The following MSRB3 variants were observed in gnomAD, a reference collection of about 807,000 sequenced individuals.
MSRB3 encodes the protein methionine sulfoxide reductase B3.
A neutral mutation model predicts 21.0 loss-of-function variants in MSRB3; 13 were observed. The ratio of observed to expected loss-of-function variants is 0.62; its 90% CI spans 0.40 to 0.98. The LOEUF is 0.98. Among genes scored for constraint, MSRB3 ranks in the 50% least tolerant of loss-of-function variants. The pLI is 0.00. For synonymous variants in MSRB3, 87 were observed against 88.6 expected, an observed-to-expected ratio of 0.98 and a Z score of 0.10; for missense variants, 199 against 230.3, an observed-to-expected ratio of 0.86 and a Z score of 0.88.
intron 1 of MSRB3, among the ~76,000 whole-genome samples, chr12:65,279,684 G>T (rs961752993): frequency 6.6e-6 from 1 of 152,224 alleles, no homozygotes. Flanking sequence ...AGTCGTTACA[G>T]TAAGACTTTA....
chr12:65,360,393 A>T (rs768125799), intron 4 of MSRB3, among the ~76,000 whole-genome samples: 2 of 152,122 alleles, frequency 1.3e-5, no homozygotes, highest in Non-Finnish European at 2.9e-5. Context: ...ACAAGAAACA[A>T]TTACATTATT....
At chr12:65,419,208 C>T in intron 5 of MSRB3, 3 of 712,482 alleles carry the variant, frequency 4.2e-6, no homozygotes, top group Non-Finnish European at 7.7e-6. Flanking sequence ...TCTGCTGAGA[C>T]CAGTATTTGT....
intron 1 of MSRB3, among the ~76,000 whole-genome samples, chr12:65,291,386 G>A (rs895262366): frequency 1.3e-4 from 19 of 151,564 alleles, no homozygotes; most frequent in African/African-American, 4.4e-4. Context: ...GGTTTCCACA[G>A]CCAGCTTCTG....
intron 5 of MSRB3, among the ~76,000 whole-genome samples, chr12:65,414,635 A>T (rs1047830936): frequency 6.6e-6 from 1 of 152,200 alleles, no homozygotes; most frequent in Non-Finnish European, 1.5e-5. Flanking sequence ...TTATATAACA[A>T]CAAAATAGGC....
chr12:65,448,486 A>T (rs2136693162), intron 5 of MSRB3, among the ~76,000 whole-genome samples: 1 of 152,328 alleles, frequency 6.6e-6, no homozygotes, highest in South Asian at 2.1e-4. Flanking sequence ...ATAAGTACTA[A>T]ATCTTAATCT....
At chr12:65,296,283 AC>A (rs1872957318) in intron 1 of MSRB3, among the ~76,000 whole-genome samples, 1 of 152,024 alleles carries the variant, frequency 6.6e-6, no homozygotes, top group Non-Finnish European at 1.5e-5. Context: ...AATTAATTAA[AC>A]CCTCCAACAC....
chr12:65,425,544 A>G (rs764493291), intron 5 of MSRB3, among the ~76,000 whole-genome samples: 5 of 152,018 alleles, frequency 3.3e-5, no homozygotes, highest in African/African-American at 4.8e-5. Flanking sequence ...TATGACTACT[A>G]TGAGACTTAT....
At chr12:65,360,583 T>G (rs1234630456) in intron 4 of MSRB3, among the ~76,000 whole-genome samples, 1 of 152,140 alleles carries the variant, frequency 6.6e-6, no homozygotes, top group East Asian at 1.9e-4. Flanking sequence ...TCACACTTAC[T>G]TTTTCCTCTG....
chr12:65,311,055 A>T (rs1313648184), intron 2 of MSRB3, among the ~76,000 whole-genome samples: 1 of 152,180 alleles, frequency 6.6e-6, no homozygotes, highest in Non-Finnish European at 1.5e-5. Flanking sequence ...TTCCAATACA[A>T]CAGACTTTTC....
chr12:65,299,571 C>A (rs1291835488), intron 1 of MSRB3, among the ~76,000 whole-genome samples: 1 of 152,194 alleles, frequency 6.6e-6, no homozygotes, highest in East Asian at 1.9e-4. Flanking sequence ...AACTTAGTAT[C>A]ATGTTCACAT....
In MSRB3 at chr12:65,301,329, G is replaced by A. The variant is rs559268177; in HGVS notation, c.-51-7200G>A. Among the ~76,000 whole-genome samples the A allele has an allele frequency of 1.1e-4, 16 of 152,260 alleles. 1 individual carries two copies. In the South Asian group the frequency reaches 1.9e-3, roughly 18 times the overall value. On this transcript the variant is annotated intron_variant, in intron 1 of 6. Transcript: ENST00000308259. ...GTAGATGTTAGAAGATAAAGCATTAGAGCTTGGATCAAAGTTGGTGCTAGA... is the reference window on the plus strand; with the variant it reads ...GTAGATGTTAGAAGATAAAGCATTAAAGCTTGGATCAAAGTTGGTGCTAGA...
At chr12:65,450,822 A>T (rs540358982) in intron 5 of MSRB3, among the ~76,000 whole-genome samples, 1 of 152,242 alleles carries the variant, frequency 6.6e-6, no homozygotes, top group East Asian at 1.9e-4. Context: ...TCCTTTGAGG[A>T]TTTTTACAGC....
At chr12:65,382,605 A>T (rs1031598792) in intron 5 of MSRB3, among the ~76,000 whole-genome samples, 1 of 151,716 alleles carries the variant, frequency 6.6e-6, no homozygotes, top group African/African-American at 2.4e-5. Flanking sequence ...AATTTATTCA[A>T]TTTTTTTTCA....
chr12:65,460,068 C>CA (rs1444148770), intron 6 of MSRB3, among the ~76,000 whole-genome samples: 1 of 152,156 alleles, frequency 6.6e-6, no homozygotes, highest in Admixed American at 6.5e-5. Flanking sequence ...AACACATAAC[C>CA]ATTAAAAACA....
chr12:65,440,409 G>A (rs965232440), intron 5 of MSRB3, among the ~76,000 whole-genome samples: 3 of 151,648 alleles, frequency 2.0e-5, no homozygotes, highest in Non-Finnish European at 4.4e-5. Flanking sequence ...AATTTACAAA[G>A]AACTGTTATC....
intron 1 of MSRB3, among the ~76,000 whole-genome samples, chr12:65,288,726 A>G (rs1357393741): frequency 1.3e-5 from 2 of 152,196 alleles, no homozygotes; most frequent in African/African-American, 4.8e-5. Context: ...GTCCTCATTT[A>G]GCAGGATATA....
At chr12:65,413,355 T>C (rs905327392) in intron 5 of MSRB3, among the ~76,000 whole-genome samples, 5 of 152,208 alleles carry the variant, frequency 3.3e-5, no homozygotes, top group African/African-American at 4.8e-5. Flanking sequence ...TCATAAATAC[T>C]CTTGAGGTCA....
intron 1 of MSRB3, among the ~76,000 whole-genome samples, chr12:65,293,921 A>T (rs910501852): frequency 8.5e-5 from 13 of 152,196 alleles, no homozygotes; most frequent in African/African-American, 3.1e-4. Context: ...GAAAAGTTTC[A>T]GTTTTCTGTA....
chr12:65,431,368 C>T (rs1028483941), intron 5 of MSRB3, among the ~76,000 whole-genome samples: 2 of 151,986 alleles, frequency 1.3e-5, no homozygotes, highest in Admixed American at 1.3e-4. Flanking sequence ...TCACTTGCTG[C>T]CTATACAGTT....
Sources: allele counts gnomAD v4.1 joint callset (sites outside exome capture counted in the v4.1 genomes callset), GRCh38; gene constraint gnomAD v4.1.1; transcripts MANE v1.5; gene names NCBI Gene and HGNC (gene_info 2026-07-23, HGNC 2026-07-21).